MYL5: variants seen among roughly 807,000 people sequenced by gnomAD.
The protein encoded by MYL5 is myosin regulatory light chain 5.
Under a neutral mutation model 20.8 loss-of-function variants are expected in MYL5, and 28 were observed. The ratio of observed to expected loss-of-function variants is 1.35; its 90% confidence interval spans 1.00 to 1.84. The LOEUF is 1.84. Ranked by LOEUF, MYL5 falls within the 40% of genes most tolerant of loss-of-function variation. The probability of loss-of-function intolerance (pLI) is 0.00; values close to 1 mark genes in which losing one functional copy is unlikely to be tolerated. For synonymous variants in MYL5, 118 were observed against 87.4 expected, an observed-to-expected ratio of 1.35 and a Z score of -1.95; for missense variants, 274 against 227.3, an observed-to-expected ratio of 1.21 and a Z score of -1.32.
intron 1 of MYL5, chr4:678,431 C>G: frequency 9.8e-6 from 14 of 1,423,806 alleles, no homozygotes; most frequent in Non-Finnish European, 1.3e-5. Context: ...CTGGAAGCCA[C>G]TGTCCCTCCC....
chr4:680,374 G>T, intron 4 of MYL5, 135 bp from the exon 7 acceptor site: 2 of 949,788 alleles, frequency 2.1e-6, no homozygotes, highest in Admixed American at 4.4e-5. Context: ...AGGCCTTCAG[G>T]CAGAGGCCAC....
chr4:679,980 T>A lies in MYL5; in HGVS notation c.254T>A (p.Phe85Tyr), dbSNP rs776610977. Reference sequence around the variant, plus strand: ...AAAGAGGCCTCGGGGCCCATCAACTTCACCATGTTTCTGAACCTGTTTGGG... The same window carrying A: ...AAAGAGGCCTCGGGGCCCATCAACTACACCATGTTTCTGAACCTGTTTGGG... The change falls in exon 4 of 7, where the codon TTC becomes TAC. Residue 85 changes from phenylalanine (F) to tyrosine (Y), a missense_variant. Coordinates refer to ENST00000400159, the Ensembl canonical transcript of MYL5. 9.9e-6 allele frequency: 16 copies of A among 1,613,514 alleles called. No homozygotes were observed. The South Asian group carries it at 1.3e-4, about 13-fold the overall frequency.
intron 4 of MYL5, 46 bp downstream of exon 6, chr4:680,064 C>T (rs1739294207): frequency 1.4e-6 from 2 of 1,444,064 alleles, no homozygotes; most frequent in South Asian, 1.2e-5. Context: ...TAATTCCTAA[C>T]AGTTAGAGAT....
At position 680,028 on chromosome 4, in the gene MYL5, G is replaced by T. The variant is rs71602501; in HGVS notation, c.292+10G>T. ...GGGGAGAAGCTGAGCGGTGAGCACC[G>T]GTGGGGCAGGCCTGGCCCTCCTAGC... On this transcript the variant is annotated intron_variant, in intron 4 of 6. Coordinates refer to ENST00000400159, the Ensembl canonical transcript of MYL5. 3.1e-6 allele frequency: 5 copies of T among 1,602,916 alleles called. No individual in the cohort carries two copies.
At chr4:676,411 C>A (rs1389017653), upstream of MYL5, 3 of 152,276 alleles carry the variant, frequency 2.0e-5, no homozygotes, top group African/African-American at 7.2e-5. Context: ...CTGGGGAAAA[C>A]CCCCTGAAGC....
rs1739390013 is a variant in MYL5 at position 680,782 on chromosome 4, G to C, written c.371+195G>C. 6.1e-6 allele frequency: 4 copies of C among 660,554 alleles called. No individual in the cohort carries two copies. In the South Asian group the frequency reaches 7.7e-5, roughly 13 times the overall value. 40.9% of individuals were successfully genotyped at this position (660,554 alleles called of 1,614,324 possible). ...CCTGCTCACACAGGGACCAGCGCCT[G>C]TGCCCGGTGGGGGTGGGGCGGCTTC... is the stretch of plus-strand genomic sequence containing the variant. On this transcript the variant is annotated intron_variant, in intron 5 of 6. Coordinates refer to ENST00000400159, the Ensembl canonical transcript of MYL5.
intron 5 of MYL5, 119 bp downstream of exon 7, chr4:680,706 T>C (rs1739383478): frequency 5.7e-6 from 6 of 1,053,384 alleles, no homozygotes; most frequent in South Asian, 2.9e-5. Flanking sequence ...TCTGACCAGC[T>C]TCAGGGCCAT....
rs1234752398 is a variant in MYL5, at chr4:678,030, G to T, written c.3+1G>T. 8 of 1,613,406 alleles carry T rather than the reference G, an allele frequency of 5.0e-6. No homozygotes were observed. In the Admixed American group the frequency reaches 1.3e-4, roughly 27 times the overall value. On this transcript the variant is annotated splice_donor_variant, in intron 1 of 6. Transcript: ENST00000400159. LOFTEE classifies it high-confidence loss of function. ...ATCAAAGCAGGCAGAAGCAGGCATG[G>T]TGAGCAGGCCGCCGTGCATGCCTGG...
At chr4:678,530 T>C in intron 1 of MYL5, 128 bp from the exon 4 acceptor site, 1 of 1,461,612 alleles carries the variant, frequency 6.8e-7, no homozygotes, top group Non-Finnish European at 9.0e-7. Flanking sequence ...TCCTCAGCTG[T>C]CTGGCCCCCT....
intron 1 of MYL5, 102 bp downstream of exon 3, chr4:678,131 G>C (rs1015685357): frequency 1.7e-5 from 27 of 1,564,236 alleles, no homozygotes; most frequent in Admixed American, 1.7e-4. Context: ...CCGTGCTTGC[G>C]TGTGAATGCA....
exon 7 of MYL5, chr4:681,963 T>G (rs1739765702): frequency 7.3e-7 from 1 of 1,371,878 alleles, no homozygotes; most frequent in African/African-American, 1.5e-5. Context: ...CTCAGCTACG[T>G]GATCACCCAC....
chr4:680,631 CCA>C (rs764307743), intron 5 of MYL5, 44 bp downstream of exon 7: 59 of 1,587,640 alleles, frequency 3.7e-5, no homozygotes, highest in Non-Finnish European at 5.0e-5. Flanking sequence ...CCGGGGAACC[CCA>C]GTGATCTCAT....
At chr4:678,063 G>C (rs373948314) in intron 1 of MYL5, 34 bp downstream of exon 3, 1 of 1,611,768 alleles carries the variant, frequency 6.2e-7, no homozygotes, top group Non-Finnish European at 8.5e-7. Context: ...TGGGGCAGGC[G>C]TGTGGGTGTG....
chr4:678,658 G>A, exon 2 of MYL5: 2 of 1,605,162 alleles, frequency 1.2e-6, no homozygotes, highest in Non-Finnish European at 1.7e-6. Context: ...CCCACCGCAG[G>A]CCAGCAGGAA....
upstream of MYL5, chr4:677,862 G>A (rs921130362): frequency 6.6e-6 from 8 of 1,207,166 alleles, no homozygotes; most frequent in Admixed American, 5.3e-5. Flanking sequence ...CTGCCAGGCT[G>A]CCAAAGCTCA....
intron 1 of MYL5, 83 bp downstream of exon 3, chr4:678,112 TG>T: frequency 3.8e-6 from 6 of 1,586,966 alleles, no homozygotes; most frequent in Non-Finnish European, 5.1e-6. Flanking sequence ...CAGACGAGCG[TG>T]GGCGTGTCCG....
intron 1 of MYL5, chr4:678,401 C>G: frequency 7.0e-7 from 1 of 1,419,068 alleles, no homozygotes; most frequent in Non-Finnish European, 9.2e-7. Flanking sequence ...GATCCCTGAC[C>G]ACTGTGCTCT....
exon 7 of MYL5, chr4:681,960 A>G (rs1384862473): frequency 8.8e-6 from 12 of 1,370,056 alleles, no homozygotes; most frequent in African/African-American, 1.5e-5. Flanking sequence ...GCGCTCAGCT[A>G]CGTGATCACC....
intron 3 of MYL5, among the ~76,000 whole-genome samples, chr4:679,619 C>T (rs1739238316): frequency 6.6e-6 from 1 of 152,196 alleles, no homozygotes; most frequent in African/African-American, 2.4e-5. Flanking sequence ...AAGTGACCCA[C>T]CTTCCTCTCG....
Sources: allele counts gnomAD v4.1 joint callset (sites outside exome capture counted in the v4.1 genomes callset), GRCh38; gene constraint gnomAD v4.1.1; transcripts MANE v1.5; gene names NCBI Gene and HGNC (gene_info 2026-07-23, HGNC 2026-07-21).